The following CARMIL1 variants were observed in gnomAD, a reference collection of about 807,000 sequenced individuals.
CARMIL1 encodes the protein F-actin-uncapping protein LRRC16A.
CARMIL1 carries 90 observed loss-of-function variants against 177.1 expected under a neutral mutation model. The ratio of observed to expected loss-of-function variants is 0.51; its 90% CI spans 0.43 to 0.61. CARMIL1 has a LOEUF of 0.61. Ranked by LOEUF, CARMIL1 falls within the 20% of genes least tolerant of loss-of-function variation. The pLI, the probability that CARMIL1 is intolerant of heterozygous loss-of-function variation, is 0.00. For missense variants in CARMIL1, 1,380 were observed against 1,667.0 expected (o/e 0.83, Z 3.00); for synonymous variants, 577 against 606.2 (o/e 0.95, Z 0.71).
intron 8 of CARMIL1, among the ~76,000 whole-genome samples, chr6:25,456,163 C>A (rs892974942): frequency 6.6e-6 from 1 of 152,218 alleles, no homozygotes; most frequent in Non-Finnish European, 1.5e-5. Flanking sequence ...TATCAGTTAT[C>A]CAGCCTGCTG....
Position 25,435,544 on chromosome 6 carries a change from G to A in CARMIL1, c.311G>A (p.Ser104Asn), listed in dbSNP as rs1230376423. The A allele has an allele frequency of 6.4e-7, 1 of 1,558,562 alleles. No individual in the cohort carries two copies. The highest frequency in any genetic ancestry group is 8.7e-7 in the Non-Finnish European group (1 of 1,150,378). The change falls in exon 5 of 37, where the codon AGT becomes AAT. Residue 104 changes from serine to asparagine, a missense_variant. By Grantham distance (46) the Ser-to-Asn change is conservative (BLOSUM62 1). Coordinates refer to ENST00000329474, the MANE Select transcript of CARMIL1 (RefSeq NM_017640.6). Reference protein sequence around the residue: ...SMKMASPEDVSEVLAHIGTCL... With the variant: ...SMKMASPEDVNEVLAHIGTCL... Reference sequence around the variant, plus strand: ...AAGATGGCGTCACCCGAGGACGTGAGTGAGGTGCTGGCTCACATAGGCACC... The same window carrying A: ...AAGATGGCGTCACCCGAGGACGTGAATGAGGTGCTGGCTCACATAGGCACC...
rs370596117 is a variant in CARMIL1 at position 25,586,800 on chromosome 6, A to G, written c.3006+5361A>G. ...AAACCCCGTCTCCACCAAAAAATAC[A>G]AAAACCAGTCAGGCGTGGCGGCGCG... On this transcript the variant is annotated intron_variant, in intron 31 of 36. Transcript: ENST00000329474. Among the ~76,000 whole-genome samples, 39 of 152,218 alleles carry G rather than the reference A, an allele frequency of 2.6e-4. No individual in the cohort carries two copies. In the East Asian group the frequency reaches 7.0e-3, roughly 27 times the overall value.
chr6:25,615,720 A>G (rs902753129), intron 36 of CARMIL1, among the ~76,000 whole-genome samples: 2 of 152,226 alleles, frequency 1.3e-5, no homozygotes, highest in Non-Finnish European at 2.9e-5. Context: ...TAAATTTAAC[A>G]GTTGGCATGT....
At chr6:25,298,120 A>G (rs763831448) in intron 2 of CARMIL1, among the ~76,000 whole-genome samples, 14 of 152,348 alleles carry the variant, frequency 9.2e-5, no homozygotes, top group Middle Eastern at 3.4e-3. Flanking sequence ...ATTAAGTGGG[A>G]TATTACATAT....
intron 11 of CARMIL1, among the ~76,000 whole-genome samples, chr6:25,472,783 A>G (rs567837507): frequency 2.0e-5 from 3 of 152,370 alleles, no homozygotes; most frequent in Non-Finnish European, 4.4e-5. Flanking sequence ...ATAGTCCTGC[A>G]TAACAAATTA....
intron 2 of CARMIL1, among the ~76,000 whole-genome samples, chr6:25,385,968 C>G (rs1242509745): frequency 1.3e-5 from 2 of 152,146 alleles, no homozygotes; most frequent in African/African-American, 4.8e-5. Flanking sequence ...TTTTCAAAAT[C>G]AGGTTACAGA....
chr6:25,287,228 G>A (rs899467501), intron 2 of CARMIL1, among the ~76,000 whole-genome samples: 3 of 152,130 alleles, frequency 2.0e-5, no homozygotes, highest in East Asian at 1.9e-4. Context: ...TCTACAGTAC[G>A]CTTTTTGAGT....
chr6:25,520,421 T>C, intron 23 of CARMIL1, 84 bp downstream of exon 23: 1 of 779,172 alleles, frequency 1.3e-6, no homozygotes, highest in Non-Finnish European at 2.0e-6. Context: ...AATACTTTGT[T>C]ATTTTACGAA....
At position 25,491,137 on chromosome 6, in the gene CARMIL1, G is replaced by C. The variant is rs73393879; in HGVS notation, c.1066-595G>C. Among the ~76,000 whole-genome samples the C allele has an allele frequency of 9.1e-3, 1,386 of 152,302 alleles. 14 individuals carry two copies. Among genetic ancestry groups the C allele is most frequent in the African/African-American group, 0.031 (1,300 of 41,556 alleles). ...TTATTTTGATGGCCTTGAATGAGAG[G>C]ACTGGGGAAGTTTAAGCATTGTGAC... On this transcript the variant is annotated intron_variant, in intron 13 of 36. Coordinates refer to ENST00000329474, the MANE Select transcript of CARMIL1 (RefSeq NM_017640.6).
chr6:25,295,925 T>G (rs574619379), intron 2 of CARMIL1, among the ~76,000 whole-genome samples: 7 of 152,238 alleles, frequency 4.6e-5, no homozygotes, highest in Non-Finnish European at 8.8e-5. Context: ...CTTTCTTACC[T>G]TGGGCCTTTG....
Position 25,619,601 on chromosome 6 carries a change from G to C in CARMIL1, c.*18G>C, listed in dbSNP as rs187546176. ...TTGTGTAAAGGTCACCCACGCAGAA[G>C]TCTTCCTGTGCAGGGTGCTTTGGTA... On this transcript the variant is annotated 3_prime_UTR_variant, in exon 37 of 37. Transcript: ENST00000329474. 10 of 1,611,410 alleles carry C rather than the reference G, an allele frequency of 6.2e-6. No homozygotes were observed. In the Admixed American group the frequency reaches 1.7e-4, roughly 27 times the overall value.
chr6:25,595,719 T>G lies in CARMIL1; in HGVS notation c.3119+1192T>G, dbSNP rs1290019581. ...TTTAAGAGTTTGTTTGATTTTTAAT[T>G]TTTTTATAACTGAAGGAATAGGTGA... On this transcript the variant is annotated intron_variant, in intron 32 of 36. Transcript: ENST00000329474. Among the ~76,000 whole-genome samples the G allele has an allele frequency of 3.3e-5, 5 of 152,216 alleles. No homozygotes were observed. The South Asian group carries it at 1.0e-3, about 32-fold the overall frequency.
chr6:25,340,137 C>T (rs1396127830), intron 2 of CARMIL1, among the ~76,000 whole-genome samples: 1 of 152,166 alleles, frequency 6.6e-6, no homozygotes, highest in African/African-American at 2.4e-5. Flanking sequence ...AGACTATTTT[C>T]TAAATAGAAC....
At chr6:25,493,667 C>T (rs548868049) in intron 15 of CARMIL1, among the ~76,000 whole-genome samples, 2 of 152,172 alleles carry the variant, frequency 1.3e-5, no homozygotes, top group South Asian at 2.1e-4. Context: ...TTTCTGCTCA[C>T]GTCTCACTGG....
chr6:25,332,787 A>ACACATACACACACACG (rs1785811844), intron 2 of CARMIL1, among the ~76,000 whole-genome samples: 1 of 146,690 alleles, frequency 6.8e-6, no homozygotes, highest in Non-Finnish European at 1.5e-5. Context: ...ACACACACAC[A>ACACATACACACACACG]CACACTTCTT....
intron 2 of CARMIL1, among the ~76,000 whole-genome samples, chr6:25,380,449 C>A (rs1791409524): frequency 6.6e-6 from 1 of 152,084 alleles, no homozygotes; most frequent in Admixed American, 6.5e-5. Flanking sequence ...GACAGTGGGT[C>A]AGATTTGGCT....
At chr6:25,375,998 A>G (rs1790933686) in intron 2 of CARMIL1, among the ~76,000 whole-genome samples, 1 of 152,126 alleles carries the variant, frequency 6.6e-6, no homozygotes, top group South Asian at 2.1e-4. Context: ...CAAAGATTTC[A>G]TCTTGGTTTG....
At chr6:25,357,841 G>A (rs9461144) in intron 2 of CARMIL1, among the ~76,000 whole-genome samples, 8,945 of 152,224 alleles carry the variant, frequency 0.059, 586 homozygotes, top group African/African-American at 0.16. Flanking sequence ...AATCAATAAG[G>A]TGGAAATAAT....
chr6:25,518,026 CATATT>C (rs1313501092), intron 22 of CARMIL1, among the ~76,000 whole-genome samples: 1 of 152,102 alleles, frequency 6.6e-6, no homozygotes. Context: ...TTTCGATCCT[CATATT>C]GTATTATAAA....
Sources: allele counts gnomAD v4.1 joint callset (sites outside exome capture counted in the v4.1 genomes callset), GRCh38; gene constraint gnomAD v4.1.1; transcripts MANE v1.5; gene names NCBI Gene and HGNC (gene_info 2026-07-23, HGNC 2026-07-21).